GCKR: variants seen among roughly 807,000 people sequenced by gnomAD.
GCKR encodes the protein glucokinase regulator, also known as glucokinase regulatory protein.
A neutral mutation model predicts 82.9 loss-of-function variants in GCKR; 73 were observed. The observed-to-expected ratio is 0.88, with a 90% CI of 0.73 to 1.07. GCKR has a LOEUF of 1.07. Ranked by LOEUF, GCKR falls within the 50% of genes least tolerant of loss-of-function variation. The probability of loss-of-function intolerance (pLI) is 0.00; values close to 1 mark genes in which losing one functional copy is unlikely to be tolerated. For synonymous variants in GCKR, 294 were observed against 291.8 expected, an observed-to-expected ratio of 1.01 and a Z score of -0.08; for missense variants, 784 against 782.1, an observed-to-expected ratio of 1.00 and a Z score of -0.03.
At chr2:27,514,008 ACCTATACTTTC>A (rs1417004422) in intron 16 of GCKR, among the ~76,000 whole-genome samples, 3 of 150,866 alleles carry the variant, frequency 2.0e-5, no homozygotes, top group Non-Finnish European at 4.4e-5. Flanking sequence ...ACCCAGGCTC[ACCTATACTTTC>A]CCTGATCCAG....
At chr2:27,506,440 G>T (rs1469553552) in intron 10 of GCKR, 41 bp from the exon 11 acceptor site, 2 of 1,316,296 alleles carry the variant, frequency 1.5e-6, no homozygotes, top group African/African-American at 2.9e-5. Flanking sequence ...TTTCTGAGGG[G>T]GAATTGGGCC....
intron 18 of GCKR, 68 bp from the exon 19 acceptor site, chr2:27,523,201 C>G: frequency 1.4e-6 from 2 of 1,398,068 alleles, no homozygotes; most frequent in Non-Finnish European, 1.0e-6. Context: ...GCCCGACCTT[C>G]CTCCGGGGTT....
chr2:27,502,413 TG>T (rs909895975), intron 8 of GCKR, among the ~76,000 whole-genome samples: 1 of 152,218 alleles, frequency 6.6e-6, no homozygotes, highest in Non-Finnish European at 1.5e-5. Flanking sequence ...CAGAGTCATC[TG>T]GGAAGCTTTT....
chr2:27,497,275 C>T lies in GCKR; in HGVS notation c.92C>T (p.Thr31Met), dbSNP rs775857392. Residue 31 changes from threonine to methionine, a missense_variant, in exon 2 of 19, where the codon ACG becomes ATG. Coordinates refer to ENST00000264717, the MANE Select transcript of GCKR (RefSeq NM_001486.4). ...LSGYEAAVPI[T>M]EKSNPLTQDL... The stretch of plus-strand genomic sequence containing the variant: ...GGGTACGAGGCAGCTGTGCCAATCA[C>T]GGAGAAGTCAAACCCACTGACCCAG... 9.9e-6 allele frequency: 16 copies of T among 1,614,048 alleles called. No homozygotes were observed. The highest frequency in any genetic ancestry group is 1.3e-5 in the African/African-American group (1 of 74,918).
In GCKR at chr2:27,499,753, G is replaced by T. The variant is rs532490005; in HGVS notation, c.549+303G>T. Among the ~76,000 whole-genome samples the T allele has an allele frequency of 1.4e-3, 217 of 152,244 alleles. 1 individual carries two copies. The highest frequency in any genetic ancestry group is 4.1e-3 in the Admixed American group (63 of 15,284). The stretch of plus-strand genomic sequence containing the variant: ...CAGCTGCCTGTTTTTAAAGTTTTTT[G>T]TTGTTGTTGTTTGTTTGTTTTTGAG... On this transcript the variant is annotated intron_variant, in intron 7 of 18. Transcript: ENST00000264717.
chr2:27,512,874 T>A (rs1219496734), intron 16 of GCKR, among the ~76,000 whole-genome samples: 1 of 152,156 alleles, frequency 6.6e-6, no homozygotes, highest in African/African-American at 2.4e-5. Context: ...TAAGTCCAGG[T>A]CAGTTGTTTT....
chr2:27,499,414 G>A lies in GCKR; in HGVS notation c.513G>A (p.Lys171=), dbSNP rs1477543401. ...TCTCCTAGGTGGCTGCCGGGAAGAA[G>A]AGAGTGATTGTCATTGGCATTTCTG... The part of the protein sequence containing the change: ...EELKKVAAGK[K]RVIVIGISVG... Residue 171 remains lysine (K), a synonymous_variant, in exon 7 of 19, where the codon AAG becomes AAA. Transcript: ENST00000264717. 5.0e-6 allele frequency: 8 copies of A among 1,612,768 alleles called. No homozygotes were observed. Among genetic ancestry groups the A allele is most frequent in the Non-Finnish European group, 1.7e-6 (2 of 1,178,826 alleles).
chr2:27,502,711 G>A (rs184688325), intron 8 of GCKR, among the ~76,000 whole-genome samples: 34 of 152,236 alleles, frequency 2.2e-4, no homozygotes, highest in Non-Finnish European at 3.5e-4. Context: ...TGCCCTAGAA[G>A]TAATACAGAA....
In GCKR at chr2:27,523,620, G is replaced by A. The variant is rs540087135; in HGVS notation, c.*181G>A. On this transcript the variant is annotated 3_prime_UTR_variant, in exon 19 of 19. Coordinates refer to ENST00000264717, the MANE Select transcript of GCKR (RefSeq NM_001486.4). ...GGGGAGAGTTCTTGCTCTCGACCTA[G>A]TGGTTTCTACTCTCACCGACTTATT... The A allele has an allele frequency of 3.1e-6, 2 of 635,088 alleles. No homozygotes were observed. The highest frequency in any genetic ancestry group is 5.1e-5 in the Admixed American group (2 of 39,050). The allele number at this position is 635,088 out of a possible 1,614,324, so 39.3% of individuals were successfully genotyped here. A position where few individuals can be genotyped will look rare whatever the true frequency, so the allele number is the denominator to read the frequency against.
chr2:27,515,702 T>C (rs1669985401), intron 16 of GCKR, among the ~76,000 whole-genome samples: 1 of 150,654 alleles, frequency 6.6e-6, no homozygotes. Flanking sequence ...GGGTAAGGCA[T>C]GAATCCAATT....
rs1669772330 is a variant in GCKR at position 27,507,290 on chromosome 2, G to C, written c.1122G>C (p.Gln374His). The C allele has an allele frequency of 6.2e-7, 1 of 1,611,268 alleles. No individual in the cohort carries two copies. Among genetic ancestry groups the C allele is most frequent in the East Asian group, 2.2e-5 (1 of 44,882 alleles). The change falls in exon 13 of 19, where the codon CAG becomes CAC. Residue 374 changes from glutamine to histidine, a missense_variant. Transcript: ENST00000264717. ...LIGDHSDMFN[Q>H]KAELTNQGPQ... ...GTGATCACAGTGACATGTTTAACCA[G>C]AAGGCTGAGCTCACCAACCAGGTCG...
At chr2:27,497,144 A>G in intron 1 of GCKR, 100 bp from the exon 2 acceptor site, 2 of 1,406,010 alleles carry the variant, frequency 1.4e-6, no homozygotes, top group South Asian at 1.2e-5. Flanking sequence ...GCGTGTGTGT[A>G]AGTCCAAACT....
At position 27,518,873 on chromosome 2, in the gene GCKR, AC is replaced by A. The variant is rs1670078936; in HGVS notation, c.1510del (p.His504ThrfsTer67). The A allele has an allele frequency of 1.3e-6, 2 of 1,577,882 alleles. No individual in the cohort carries two copies. Among genetic ancestry groups the A allele is most frequent in the Admixed American group, 1.7e-5 (1 of 58,618 alleles). ...GTGCTTCTTGGTAAGATCCTACAAA[AC>A]CACATGTTGGACCTTCGGATTAGCA... ...AHVLLGKILQ[N>X]HMLDLRISNS... On this transcript the variant is annotated frameshift_variant, in exon 17 of 19. Coordinates refer to ENST00000264717, the MANE Select transcript of GCKR (RefSeq NM_001486.4). LOFTEE classifies it high-confidence loss of function.
At chr2:27,513,002 A>T (rs1252610999) in intron 16 of GCKR, among the ~76,000 whole-genome samples, 1 of 152,144 alleles carries the variant, frequency 6.6e-6, no homozygotes, top group Non-Finnish European at 1.5e-5. Flanking sequence ...TCACATCGGG[A>T]GGTACCTGAT....
At position 27,507,650 on chromosome 2, in the gene GCKR, G is replaced by C. The variant is rs767513290; in HGVS notation, c.1144-31G>C. On this transcript the variant is annotated intron_variant, in intron 13 of 18. Transcript: ENST00000264717. Reference sequence around the variant, plus strand: ...GTCTGTGCTTTAGAGTGTTTTCATGGGAGGGACCCTCCCATCTTCTTCTGC... The same window carrying C: ...GTCTGTGCTTTAGAGTGTTTTCATGCGAGGGACCCTCCCATCTTCTTCTGC... 3.1e-5 allele frequency: 37 copies of C among 1,208,210 alleles called. No homozygotes were observed. The South Asian group carries it at 4.3e-4, about 14-fold the overall frequency. 74.8% of individuals were successfully genotyped at this position (1,208,210 alleles called of 1,614,324 possible).
rs374067608 is a variant in GCKR, at chr2:27,497,291, A to C, written c.108A>C (p.Pro36=). The C allele has an allele frequency of 4.3e-6, 7 of 1,614,058 alleles. No individual in the cohort carries two copies. The highest frequency in any genetic ancestry group is 5.9e-6 in the Non-Finnish European group (7 of 1,180,018). The change falls in exon 2 of 19, where the codon CCA becomes CCC. Residue 36 remains proline, a synonymous_variant. Coordinates refer to ENST00000264717, the MANE Select transcript of GCKR (RefSeq NM_001486.4). Reference sequence around the variant, plus strand: ...TGCCAATCACGGAGAAGTCAAACCCACTGACCCAGGATCTAGACAAAGCAG... The same window carrying C: ...TGCCAATCACGGAGAAGTCAAACCCCCTGACCCAGGATCTAGACAAAGCAG... ...AAVPITEKSN[P]LTQDLDKADA... is the part of the protein sequence containing the mutation.
chr2:27,520,888 T>A (rs1670135828), intron 17 of GCKR, among the ~76,000 whole-genome samples: 2 of 151,382 alleles, frequency 1.3e-5, no homozygotes, highest in African/African-American at 4.9e-5. Flanking sequence ...ATAAAAAAAA[T>A]AAAAAAATAG....
rs1042975356 is a variant in GCKR, at chr2:27,501,361, G to A, written c.644+132G>A. ...ATCTCAGAATATTAAAGTAAATATG[G>A]GGTGCCCCTAAGCTTATAAGGTTTT... On this transcript the variant is annotated intron_variant, in intron 8 of 18. Transcript: ENST00000264717. 9.6e-6 allele frequency: 7 copies of A among 730,808 alleles called. No individual in the cohort carries two copies. In the African/African-American group the frequency reaches 1.2e-4, roughly 13 times the overall value. 45.3% of individuals were successfully genotyped at this position (730,808 alleles called of 1,614,324 possible).
rs1476761171 is a variant in GCKR at position 27,496,950 on chromosome 2, C to T, written c.46C>T (p.Pro16Ser). ...TCAACATGTCATTGAGACCCCGGAG[C>T]CTGGCAAGTGGGAGGTGAGACCCCT... The part of the protein sequence containing the change: ...RFQHVIETPE[P>S]GKWELSGYEA... The change falls in exon 1 of 19, where the codon CCT (proline) becomes TCT (serine). Residue 16 changes from proline to serine, a missense_variant. Physicochemically the swap from Pro to Ser is moderately conservative, Grantham distance 74. Coordinates refer to ENST00000264717, the MANE Select transcript of GCKR (RefSeq NM_001486.4). 3 of 1,613,232 alleles carry T rather than the reference C, an allele frequency of 1.9e-6. No homozygotes were observed. The Admixed American group carries it at 5.0e-5, about 27-fold the overall frequency.
Sources: allele counts gnomAD v4.1 joint callset (sites outside exome capture counted in the v4.1 genomes callset), GRCh38; gene constraint gnomAD v4.1.1; transcripts MANE v1.5; gene names NCBI Gene and HGNC (gene_info 2026-07-23, HGNC 2026-07-21).